The following METTL24 variants were observed in gnomAD, a reference collection of about 807,000 sequenced individuals.
METTL24 encodes methyltransferase like 24, also known as probable methyltransferase-like protein 24.
Under a neutral mutation model 32.7 loss-of-function variants are expected in METTL24, and 29 were observed. That is an observed-to-expected ratio of 0.89 (90% CI 0.66 to 1.21). The LOEUF is 1.21. METTL24 is among the 50% of genes most tolerant of loss of function. METTL24 has a pLI of 0.00. For synonymous variants in METTL24, 163 were observed against 179.5 expected (o/e 0.91, Z 0.73); for missense variants, 439 against 468.1 (o/e 0.94, Z 0.57).
chr6:110,316,306 T>C (rs761124238), intron 2 of METTL24, among the ~76,000 whole-genome samples: 14 of 152,236 alleles, frequency 9.2e-5, no homozygotes, highest in Non-Finnish European at 1.6e-4. Context: ...AAAGCAAATA[T>C]ACTTCATAAG....
chr6:110,307,860 G>A (rs961506776), intron 3 of METTL24, among the ~76,000 whole-genome samples: 1 of 152,144 alleles, frequency 6.6e-6, no homozygotes. Flanking sequence ...CCCTCTCTAT[G>A]AGGAAGAAAC....
At chr6:110,283,867 T>C (rs1336129554) in intron 4 of METTL24, among the ~76,000 whole-genome samples, 2 of 152,106 alleles carry the variant, frequency 1.3e-5, no homozygotes, top group Non-Finnish European at 2.9e-5. Flanking sequence ...GAAGAGACAT[T>C]TGTACAACCT....
At chr6:110,293,115 T>C (rs1771348860) in intron 4 of METTL24, among the ~76,000 whole-genome samples, 1 of 151,862 alleles carries the variant, frequency 6.6e-6, no homozygotes, top group Admixed American at 6.6e-5. Context: ...TCAGCTTCTT[T>C]AGTTCTGAAA....
intron 4 of METTL24, among the ~76,000 whole-genome samples, chr6:110,295,217 T>G (rs772125387): frequency 2.0e-5 from 3 of 152,072 alleles, no homozygotes; most frequent in Non-Finnish European, 4.4e-5. Context: ...CCAGCTAATT[T>G]TTTAAATCTT....
chr6:110,317,305 A>G (rs1771837384), intron 2 of METTL24, among the ~76,000 whole-genome samples: 1 of 152,246 alleles, frequency 6.6e-6, no homozygotes, highest in Non-Finnish European at 1.5e-5. Flanking sequence ...TGTTAATTTG[A>G]TAATTCATCT....
chr6:110,260,182 GT>G (rs1033395476), intron 4 of METTL24, among the ~76,000 whole-genome samples: 12 of 152,204 alleles, frequency 7.9e-5, no homozygotes, highest in Non-Finnish European at 1.3e-4. Flanking sequence ...AAAGGAGGAA[GT>G]TCGAACCCAC....
intron 4 of METTL24, among the ~76,000 whole-genome samples, chr6:110,252,040 AG>A (rs2114691684): frequency 6.6e-6 from 1 of 152,264 alleles, no homozygotes; most frequent in South Asian, 2.1e-4. Context: ...GCTACTCAGG[AG>A]GCTGAGCCAG....
chr6:110,277,570 A>G (rs1771068956), intron 4 of METTL24, among the ~76,000 whole-genome samples: 2 of 152,094 alleles, frequency 1.3e-5, no homozygotes, highest in South Asian at 4.1e-4. Context: ...TGTTAAATTC[A>G]CTCTAAATGG....
intron 1 of METTL24, among the ~76,000 whole-genome samples, chr6:110,340,554 AC>A (rs1772335878): frequency 6.6e-6 from 1 of 152,154 alleles, no homozygotes; most frequent in Non-Finnish European, 1.5e-5. Context: ...GCCGATTCTG[AC>A]CCACTCTTCA....
intron 4 of METTL24, among the ~76,000 whole-genome samples, chr6:110,289,469 T>C (rs931797428): frequency 1.1e-4 from 16 of 151,654 alleles, no homozygotes; most frequent in African/African-American, 3.9e-4. Flanking sequence ...ACCTTGGAAG[T>C]GAAAAATATA....
chr6:110,297,896 G>C (rs1771448521), intron 4 of METTL24, among the ~76,000 whole-genome samples: 1 of 152,112 alleles, frequency 6.6e-6, no homozygotes, highest in African/African-American at 2.4e-5. Context: ...TGTTCTTGAA[G>C]AAGCATGGGC....
At chr6:110,322,709 C>G in intron 2 of METTL24, 65 bp downstream of exon 2, 1 of 1,392,928 alleles carries the variant, frequency 7.2e-7, no homozygotes, top group East Asian at 2.3e-5. Context: ...CCACCTCCTT[C>G]TTTCAAAAGA....
intron 4 of METTL24, among the ~76,000 whole-genome samples, chr6:110,270,675 T>A (rs1770941152): frequency 6.6e-6 from 1 of 152,154 alleles, no homozygotes; most frequent in African/African-American, 2.4e-5. Flanking sequence ...GCCAAATCTC[T>A]TACAAGATGT....
intron 1 of METTL24, among the ~76,000 whole-genome samples, chr6:110,332,918 A>T (rs1328883187): frequency 6.6e-6 from 1 of 152,062 alleles, no homozygotes; most frequent in Admixed American, 6.5e-5. Context: ...CGAAAAAAAA[A>T]AAAAAGCAAG....
At chr6:110,289,961 CT>C (rs11346857) in intron 4 of METTL24, among the ~76,000 whole-genome samples, 19,507 of 151,974 alleles carry the variant, frequency 0.13, 3,033 homozygotes, top group African/African-American at 0.37. Context: ...TGGTCAATTA[CT>C]TTTTTTTCTG....
intron 3 of METTL24, among the ~76,000 whole-genome samples, chr6:110,306,282 G>A (rs1485332736): frequency 6.6e-6 from 1 of 151,848 alleles, no homozygotes; most frequent in Non-Finnish European, 1.5e-5. Flanking sequence ...TTCTGCACAT[G>A]TGTCCCAGAA....
At chr6:110,260,295 G>T (rs185059549) in intron 4 of METTL24, among the ~76,000 whole-genome samples, 2 of 152,198 alleles carry the variant, frequency 1.3e-5, no homozygotes, top group African/African-American at 2.4e-5. Context: ...TGAAAACCAT[G>T]GCACGAGAAC....
chr6:110,245,964 C>T lies in METTL24; in HGVS notation c.1083G>A (p.Val361=), dbSNP rs777017034. ...NASSCYTLSW[V]NTRWK ...CTGCATCCTATTTCCATCTTGTATT[C>T]ACCCAACTCAGAGTATAACAGCTAC... is the stretch of plus-strand genomic sequence containing the variant. Residue 361 remains valine, a synonymous_variant, in exon 5 of 5, where the codon GTG becomes GTA. Coordinates refer to ENST00000338882, the MANE Select transcript of METTL24 (RefSeq NM_001123364.3). The T allele has an allele frequency of 1.9e-6, 3 of 1,611,850 alleles. No homozygotes were observed. Among genetic ancestry groups the T allele is most frequent in the Non-Finnish European group, 2.5e-6 (3 of 1,178,826 alleles).
intron 4 of METTL24, among the ~76,000 whole-genome samples, chr6:110,247,404 G>A (rs1369264550): frequency 6.6e-6 from 1 of 152,130 alleles, no homozygotes; most frequent in Non-Finnish European, 1.5e-5. Context: ...ATACACCCAA[G>A]AGGAAAAATG....
Sources: gnomAD v4.1 joint callset for allele counts (sites outside exome capture counted in the v4.1 genomes callset) on GRCh38, gnomAD v4.1.1 for gene constraint, MANE v1.5 for transcripts, NCBI Gene and HGNC (gene_info 2026-07-23, HGNC 2026-07-21) for gene names.